ACSL3: variants seen among roughly 807,000 people sequenced by gnomAD.
ACSL3 encodes the protein acyl-CoA synthetase long chain family member 3.
A neutral mutation model predicts 84.7 loss-of-function variants in ACSL3; 34 were observed. The ratio of observed to expected loss-of-function variants is 0.40; its 90% CI spans 0.31 to 0.53. The LOEUF is 0.53. Among genes scored for constraint, ACSL3 ranks in the 20% least tolerant of loss-of-function variants. The pLI, the probability that ACSL3 is intolerant of heterozygous loss-of-function variation, is 0.48. For synonymous variants in ACSL3, 315 were observed against 299.4 expected, an observed-to-expected ratio of 1.05 and a Z score of -0.54; for missense variants, 680 against 873.1, an observed-to-expected ratio of 0.78 and a Z score of 2.79.
At chr2:222,894,759 A>G (rs1364634833) in intron 2 of ACSL3, among the ~76,000 whole-genome samples, 1 of 152,190 alleles carries the variant, frequency 6.6e-6, no homozygotes, top group African/African-American at 2.4e-5. Flanking sequence ...TCAGTTGGCA[A>G]GGTATCATAG....
chr2:222,865,515 C>T (rs537509352), intron 1 of ACSL3, among the ~76,000 whole-genome samples: 1 of 152,102 alleles, frequency 6.6e-6, no homozygotes, highest in South Asian at 2.1e-4. Context: ...TTAAGGAGCT[C>T]ACAGTTCACC....
At chr2:222,927,215 G>A (rs760910836) in intron 12 of ACSL3, 26 bp downstream of exon 12, 20 of 1,601,706 alleles carry the variant, frequency 1.2e-5, no homozygotes, top group Middle Eastern at 3.4e-4. Context: ...GTCAGAGGCT[G>A]GAGTGTGATG....
chr2:222,898,847 CG>C (rs1696062383), intron 2 of ACSL3, among the ~76,000 whole-genome samples: 1 of 151,770 alleles, frequency 6.6e-6, no homozygotes, highest in African/African-American at 2.4e-5. Context: ...AACAAACAAA[CG>C]AAAACAAAAC....
intron 6 of ACSL3, 33 bp downstream of exon 6, chr2:222,918,188 T>C: frequency 1.4e-6 from 2 of 1,443,520 alleles, no homozygotes; most frequent in Non-Finnish European, 1.9e-6. Context: ...AACTGTCTGA[T>C]ACTTTAGAAT....
At chr2:222,906,567 A>G (rs546750058) in intron 3 of ACSL3, among the ~76,000 whole-genome samples, 3 of 150,996 alleles carry the variant, frequency 2.0e-5, no homozygotes, top group South Asian at 4.2e-4. Flanking sequence ...TGAAACTTCT[A>G]CAGTAGTTGG....
At chr2:222,906,261 C>A (rs1194560465) in intron 3 of ACSL3, among the ~76,000 whole-genome samples, 1 of 152,210 alleles carries the variant, frequency 6.6e-6, no homozygotes, top group Non-Finnish European at 1.5e-5. Context: ...CACATAGTCA[C>A]CCTGGACTGC....
At chr2:222,888,437 A>G (rs2106100485) in intron 2 of ACSL3, among the ~76,000 whole-genome samples, 1 of 152,370 alleles carries the variant, frequency 6.6e-6, no homozygotes, top group Non-Finnish European at 1.5e-5. Flanking sequence ...GTTCTGTGAA[A>G]TGAAAAAATT....
At chr2:222,893,083 G>A (rs919642710) in intron 2 of ACSL3, among the ~76,000 whole-genome samples, 4 of 152,148 alleles carry the variant, frequency 2.6e-5, no homozygotes, top group African/African-American at 9.7e-5. Context: ...GAGTGTGGTA[G>A]GCTGAAAGAA....
rs200213683 is a variant in ACSL3 at position 222,919,213 on chromosome 2, C to A, written c.805+11C>A. 1.6e-4 allele frequency: 266 copies of A among 1,613,374 alleles called. No individual in the cohort carries two copies. Among genetic ancestry groups the A allele is most frequent in the Non-Finnish European group, 2.1e-4 (247 of 1,179,774 alleles). ...CCAAGGCCAGCATGGGTATGTTACA[C>A]TTTTCTAATTCCTTACCTGTGCTTT... On this transcript the variant is annotated intron_variant, in intron 7 of 16. Transcript: ENST00000357430.
At chr2:222,912,029 TTG>T (rs1696451575) in intron 4 of ACSL3, among the ~76,000 whole-genome samples, 1 of 152,246 alleles carries the variant, frequency 6.6e-6, no homozygotes, top group Admixed American at 6.5e-5. Flanking sequence ...AAATTGGCAT[TTG>T]TGGTTCATCA....
intron 1 of ACSL3, among the ~76,000 whole-genome samples, chr2:222,870,754 G>T (rs1473737752): frequency 6.6e-6 from 1 of 152,250 alleles, no homozygotes; most frequent in African/African-American, 2.4e-5. Flanking sequence ...AGTGTGCGAA[G>T]TAGAGAGTTG....
chr2:222,875,335 A>G (rs62187238), intron 1 of ACSL3, among the ~76,000 whole-genome samples: 14,939 of 152,150 alleles, frequency 0.098, 815 homozygotes, highest in Non-Finnish European at 0.12. Flanking sequence ...GTTTTTGAAT[A>G]AAAACCTTTG....
intron 1 of ACSL3, among the ~76,000 whole-genome samples, chr2:222,886,503 CA>C (rs886825593): frequency 3.9e-5 from 6 of 151,962 alleles, no homozygotes; most frequent in Admixed American, 3.3e-4. Flanking sequence ...TTAAGTGATT[CA>C]AAAAAACTTA....
At chr2:222,892,641 A>G (rs906264969) in intron 2 of ACSL3, among the ~76,000 whole-genome samples, 1 of 152,154 alleles carries the variant, frequency 6.6e-6, no homozygotes. Context: ...GAGACTCTCA[A>G]AAGTAGTGTA....
In ACSL3 at chr2:222,943,715, A is replaced by AT. The variant is rs1453840134; in HGVS notation, c.*2064dup. The stretch of plus-strand genomic sequence containing the variant: ...TTAAGTAGAGTCCCCTTTTAAACAA[A>AT]TTTGTCTGTAAGCAAAACTATCTTT... On this transcript the variant is annotated 3_prime_UTR_variant, in exon 17 of 17. Coordinates refer to ENST00000357430, the MANE Select transcript of ACSL3 (RefSeq NM_004457.5). The AT allele has an allele frequency of 2.6e-5, 4 of 152,136 alleles. No homozygotes were observed. The highest frequency in any genetic ancestry group is 4.4e-5 in the Non-Finnish European group (3 of 67,974). 9.4% of individuals were successfully genotyped at this position (152,136 alleles called of 1,614,324 possible).
chr2:222,941,932 A>T lies in ACSL3; in HGVS notation c.*278A>T. 3.3e-6 allele frequency: 1 copy of T among 301,450 alleles called. No homozygotes were observed. Among genetic ancestry groups the T allele is most frequent in the South Asian group, 1.3e-4 (1 of 7,460 alleles). 18.7% of individuals were successfully genotyped at this position (301,450 alleles called of 1,614,324 possible). ...TCTGAATCATATTGGGGAAGCAGTG[A>T]TTTTAAAACCTCAAGTTTTTAAACA... On this transcript the variant is annotated 3_prime_UTR_variant, in exon 17 of 17. Transcript: ENST00000357430.
chr2:222,900,716 A>G lies in ACSL3; in HGVS notation c.-105A>G, dbSNP rs1314279435. On this transcript the variant is annotated 5_prime_UTR_variant, in exon 3 of 17. Coordinates refer to ENST00000357430, the MANE Select transcript of ACSL3 (RefSeq NM_004457.5). ...GGGAAGGACTGGGGAAACAGCTGTA[A>G]CATTTGCCACCCTCAGAAGCTGCTG... 1 of 152,152 alleles carries G rather than the reference A, an allele frequency of 6.6e-6. No homozygotes were observed. Among genetic ancestry groups the G allele is most frequent in the Non-Finnish European group, 1.5e-5 (1 of 68,026 alleles). 9.4% of individuals were successfully genotyped at this position (152,152 alleles called of 1,614,324 possible). A position where few individuals can be genotyped will look rare whatever the true frequency, so the allele number is the denominator to read the frequency against.
chr2:222,926,409 T>C (rs968913599), intron 11 of ACSL3, among the ~76,000 whole-genome samples: 2 of 152,208 alleles, frequency 1.3e-5, no homozygotes, highest in Non-Finnish European at 2.9e-5. Flanking sequence ...AAAGATTTTT[T>C]TTTTTAAGTA....
chr2:222,882,239 A>C (rs928163888), intron 1 of ACSL3, among the ~76,000 whole-genome samples: 1 of 152,168 alleles, frequency 6.6e-6, no homozygotes, highest in Non-Finnish European at 1.5e-5. Flanking sequence ...AAGTCTGAAA[A>C]TTTCTTTATT....
Sources: allele counts gnomAD v4.1 joint callset (sites outside exome capture counted in the v4.1 genomes callset), GRCh38; gene constraint gnomAD v4.1.1; transcripts MANE v1.5; gene names NCBI Gene and HGNC (gene_info 2026-07-23, HGNC 2026-07-21).